AKAP13: variants seen among roughly 807,000 people sequenced by gnomAD.
The protein encoded by AKAP13 is A-kinase anchor protein 13.
Under a neutral mutation model 264.5 loss-of-function variants are expected in AKAP13, and 80 were observed. The ratio of observed to expected loss-of-function variants is 0.30; its 90% CI spans 0.25 to 0.36. AKAP13 has a LOEUF of 0.36. Among genes scored for constraint, AKAP13 ranks in the 10% least tolerant of loss-of-function variants. The pLI is 1.00. For missense variants in AKAP13, 3,712 were observed against 3,435.2 expected, an observed-to-expected ratio of 1.08 and a Z score of -2.01; for synonymous variants, 1,380 against 1,250.2, an observed-to-expected ratio of 1.10 and a Z score of -2.19.
chr15:85,552,792 T>C (rs1214860434), intron 5 of AKAP13, among the ~76,000 whole-genome samples: 1 of 151,600 alleles, frequency 6.6e-6, no homozygotes, highest in Non-Finnish European at 1.5e-5. Context: ...CATGCCCGGC[T>C]AATTTTTTTG....
At chr15:85,529,920 G>A (rs2151182761) in intron 3 of AKAP13, among the ~76,000 whole-genome samples, 1 of 152,274 alleles carries the variant, frequency 6.6e-6, no homozygotes, top group African/African-American at 2.4e-5. Context: ...TACTTATGAT[G>A]ATTCATAGTT....
chr15:85,551,400 C>T (rs1182217330), intron 5 of AKAP13, among the ~76,000 whole-genome samples: 1 of 152,124 alleles, frequency 6.6e-6, no homozygotes, highest in Non-Finnish European at 1.5e-5. Flanking sequence ...TGAAGGTGGG[C>T]GTTTTATCTC....
chr15:85,486,739 CTT>C (rs562767898), intron 2 of AKAP13, among the ~76,000 whole-genome samples: 29 of 115,632 alleles, frequency 2.5e-4, no homozygotes, highest in African/African-American at 5.1e-4. Context: ...TTGTTCAGTT[CTT>C]TTTTTTTTTT....
chr15:85,440,647 A>G (rs1381392198), intron 1 of AKAP13, among the ~76,000 whole-genome samples: 1 of 152,212 alleles, frequency 6.6e-6, no homozygotes, highest in Non-Finnish European at 1.5e-5. Context: ...GGAGGGGAGT[A>G]TCTAAACAGT....
chr15:85,651,768 T>G (rs2082863294), intron 10 of AKAP13: 1 of 152,238 alleles, frequency 6.6e-6, no homozygotes, highest in African/African-American at 2.4e-5. Context: ...AGGCAACAGC[T>G]GTCTTAACTG....
chr15:85,700,623 C>T (rs2151663600), intron 17 of AKAP13, among the ~76,000 whole-genome samples: 1 of 152,304 alleles, frequency 6.6e-6, no homozygotes, highest in South Asian at 2.1e-4. Flanking sequence ...TTCAGGATGT[C>T]AGGTGTTTGG....
chr15:85,472,263 T>C (rs1411591145), intron 1 of AKAP13, among the ~76,000 whole-genome samples: 1 of 150,934 alleles, frequency 6.6e-6, no homozygotes, highest in Non-Finnish European at 1.5e-5. Context: ...TCCCAAGTAC[T>C]CGGGAGGCTG....
chr15:85,517,442 A>T (rs2076648136), intron 2 of AKAP13, among the ~76,000 whole-genome samples: 1 of 152,006 alleles, frequency 6.6e-6, no homozygotes, highest in Non-Finnish European at 1.5e-5. Context: ...TCCCAGCAAG[A>T]TGTTGGGTCT....
chr15:85,718,218 C>T lies in AKAP13; in HGVS notation c.6001+59C>T. The T allele has an allele frequency of 1.3e-6, 2 of 1,582,050 alleles. No homozygotes were observed. Among genetic ancestry groups the T allele is most frequent in the Non-Finnish European group, 1.7e-6 (2 of 1,160,478 alleles). ...ATTTCCATTGTCCAGCATTTTTAAGCAGTAATTTGTTGGACTATGAAAAAT... is the reference window on the plus strand; with the variant it reads ...ATTTCCATTGTCCAGCATTTTTAAGTAGTAATTTGTTGGACTATGAAAAAT... On this transcript the variant is annotated intron_variant, in intron 22 of 36. Coordinates refer to ENST00000394518, the MANE Select transcript of AKAP13 (RefSeq NM_007200.5). This position sits in a 1 kb window ranked among gnomAD's most constrained non-coding sequence, Gnocchi z 4.9.
chr15:85,397,786 G>A (rs528760763), intron 1 of AKAP13, among the ~76,000 whole-genome samples: 1 of 152,266 alleles, frequency 6.6e-6, no homozygotes, highest in South Asian at 2.1e-4. Context: ...CAGGGATTGA[G>A]GAATAAACAA....
At chr15:85,514,836 T>C (rs1408078227) in intron 2 of AKAP13, among the ~76,000 whole-genome samples, 2 of 106,684 alleles carry the variant, frequency 1.9e-5, no homozygotes, top group Non-Finnish European at 4.2e-5. Context: ...TAATGAGATT[T>C]TGAGGGGTTT....
At chr15:85,617,358 C>G (rs1355189221) in intron 8 of AKAP13, among the ~76,000 whole-genome samples, 1 of 152,204 alleles carries the variant, frequency 6.6e-6, no homozygotes, top group African/African-American at 2.4e-5. Context: ...ATTCTCCTGC[C>G]TCAGCCTCCT....
chr15:85,607,236 A>T (rs1327396559), intron 8 of AKAP13, among the ~76,000 whole-genome samples: 2 of 152,068 alleles, frequency 1.3e-5, no homozygotes, highest in African/African-American at 4.8e-5. Context: ...AGAAGACTTC[A>T]CTTTTCCCTC....
chr15:85,695,950 G>A (rs1597091173), intron 17 of AKAP13, among the ~76,000 whole-genome samples: 1 of 152,142 alleles, frequency 6.6e-6, no homozygotes, highest in African/African-American at 2.4e-5. Flanking sequence ...TCTTAGTACT[G>A]GAATAACCTG....
intron 1 of AKAP13, among the ~76,000 whole-genome samples, chr15:85,418,199 C>T (rs928637754): frequency 6.0e-4 from 91 of 152,036 alleles, no homozygotes; most frequent in African/African-American, 1.8e-3. Flanking sequence ...CCTCAGCCTC[C>T]CGAGTAGCTG....
chr15:85,678,649 G>A (rs2084390312), intron 14 of AKAP13, among the ~76,000 whole-genome samples: 1 of 152,106 alleles, frequency 6.6e-6, no homozygotes, highest in South Asian at 2.1e-4. Flanking sequence ...ATCACTTGAG[G>A]TCAGGAGTTT....
At chr15:85,401,623 T>G (rs563255372) in intron 1 of AKAP13, among the ~76,000 whole-genome samples, 1 of 152,296 alleles carries the variant, frequency 6.6e-6, no homozygotes, top group East Asian at 1.9e-4. Flanking sequence ...TCTTAAACTG[T>G]CCCTTTGAGG....
intron 33 of AKAP13, among the ~76,000 whole-genome samples, chr15:85,737,783 C>T (rs1468014777): frequency 6.6e-6 from 1 of 151,992 alleles, no homozygotes; most frequent in African/African-American, 2.4e-5. Context: ...GACTACAGGC[C>T]CGCACTACCA....
chr15:85,454,907 C>G (rs552034386), intron 1 of AKAP13, among the ~76,000 whole-genome samples: 1 of 152,198 alleles, frequency 6.6e-6, no homozygotes, highest in East Asian at 1.9e-4. Flanking sequence ...TCTCCTTTCT[C>G]GATCTGTCGT....
Sources: gnomAD v4.1 joint callset for allele counts (sites outside exome capture counted in the v4.1 genomes callset) on GRCh38, gnomAD v4.1.1 for gene constraint, Gnocchi (gnomAD v3.1) non-coding constraint, MANE v1.5 for transcripts, NCBI Gene and HGNC (gene_info 2026-07-23, HGNC 2026-07-21) for gene names.